Variants in METAP1D observed in about 807,000 individuals in gnomAD.
The protein encoded by METAP1D is methionine aminopeptidase 1D, mitochondrial.
Under a neutral mutation model 40.5 loss-of-function variants are expected in METAP1D, and 31 were observed. The observed-to-expected ratio is 0.77, with a 90% confidence interval of 0.58 to 1.03. The LOEUF is 1.03. METAP1D is among the 50% of genes least tolerant of loss of function. The pLI, the probability that METAP1D is intolerant of heterozygous loss-of-function variation, is 0.00. For synonymous variants in METAP1D, 151 were observed against 146.4 expected (o/e 1.03, Z -0.22); for missense variants, 411 against 420.7 (o/e 0.98, Z 0.20).
At position 172,081,872 on chromosome 2, in the gene METAP1D, G is replaced by A. The variant is rs1487872606; in HGVS notation, c.*1466G>A. 6.6e-6 allele frequency: 1 copy of A among 152,218 alleles called. No individual in the cohort carries two copies. The highest frequency in any genetic ancestry group is 1.5e-5 in the Non-Finnish European group (1 of 68,064). 9.4% of individuals were successfully genotyped at this position (152,218 alleles called of 1,614,324 possible). A position where few individuals can be genotyped will look rare whatever the true frequency, so the allele number is the denominator to read the frequency against. On this transcript the variant is annotated 3_prime_UTR_variant, in exon 10 of 10. Coordinates refer to ENST00000315796, the MANE Select transcript of METAP1D (RefSeq NM_199227.3). ...TCATCTTTGTAACATTCATAATACG[G>A]GAAACTGAGGACCAGGTGGCTCGGA...
intron 1 of METAP1D, among the ~76,000 whole-genome samples, chr2:172,041,936 G>A (rs1484180354): frequency 8.4e-6 from 1 of 119,298 alleles, no homozygotes; most frequent in Non-Finnish European, 1.9e-5. Context: ...CAGTAGCTGG[G>A]ATTACAGGTG....
intron 1 of METAP1D, among the ~76,000 whole-genome samples, chr2:172,006,749 C>T (rs1688596371): frequency 6.6e-6 from 1 of 152,108 alleles, no homozygotes; most frequent in Non-Finnish European, 1.5e-5. Context: ...CCCACGTAGC[C>T]ATCATCTAGT....
intron 1 of METAP1D, among the ~76,000 whole-genome samples, chr2:172,057,228 T>G (rs189931594): frequency 1.3e-5 from 2 of 152,356 alleles, no homozygotes; most frequent in African/African-American, 4.8e-5. Flanking sequence ...AGGTAATGTA[T>G]GTAGAGCACC....
At chr2:172,050,098 A>G (rs561306961) in intron 1 of METAP1D, among the ~76,000 whole-genome samples, 6 of 152,204 alleles carry the variant, frequency 3.9e-5, no homozygotes, top group South Asian at 4.1e-4. Context: ...TTTCATCCCA[A>G]TGGTTTGCTT....
intron 1 of METAP1D, among the ~76,000 whole-genome samples, chr2:172,043,111 A>ATTT (rs1400937542): frequency 9.0e-4 from 20 of 22,208 alleles, no homozygotes; most frequent in African/African-American, 4.1e-3. Flanking sequence ...ATATATATAT[A>ATTT]TATATATTTT....
Position 172,061,646 on chromosome 2 carries a change from G to T in METAP1D, c.189G>T (p.Pro63=), listed in dbSNP as rs765352615. The T allele has an allele frequency of 6.2e-7, 1 of 1,611,144 alleles. No homozygotes were observed. Among genetic ancestry groups the T allele is most frequent in the South Asian group, 1.1e-5 (1 of 90,376 alleles). Residue 63 remains proline (P), a synonymous_variant, in exon 2 of 10, where the codon CCG becomes CCT. Transcript: ENST00000315796. ...CGGCTGCAGTTTCTTCAGCTCATCC[G>T]GTTCCTAAGGTACTGTATTGCCTAT... is the stretch of plus-strand genomic sequence containing the variant. ...VLPAAVSSAH[P]VPKHIKKPDY...
At chr2:172,033,342 T>TA (rs1431338242) in intron 1 of METAP1D, among the ~76,000 whole-genome samples, 2 of 151,916 alleles carry the variant, frequency 1.3e-5, no homozygotes, top group African/African-American at 4.8e-5. Context: ...CCTATTTTAA[T>TA]AATACATTTG....
intron 5 of METAP1D, among the ~76,000 whole-genome samples, chr2:172,067,026 C>T (rs1690300943): frequency 6.6e-6 from 1 of 152,114 alleles, no homozygotes; most frequent in Non-Finnish European, 1.5e-5. Context: ...CAAGATGTAG[C>T]TTTTTCTCAT....
chr2:172,071,608 T>C (rs1193498042), intron 6 of METAP1D, among the ~76,000 whole-genome samples: 1 of 152,180 alleles, frequency 6.6e-6, no homozygotes, highest in Non-Finnish European at 1.5e-5. Context: ...CTGTAAACCG[T>C]TGTTTATTTT....
chr2:172,063,970 A>T, intron 3 of METAP1D, 110 bp downstream of exon 3: 1 of 1,265,258 alleles, frequency 7.9e-7, no homozygotes, highest in Non-Finnish European at 1.0e-6. Context: ...TTGTTTTAAA[A>T]ATTTATTTGT....
chr2:172,000,112 A>G, intron 1 of METAP1D, 103 bp downstream of exon 1: 1 of 998,852 alleles, frequency 1.0e-6, no homozygotes, highest in Non-Finnish European at 1.3e-6. Flanking sequence ...TTCTCGGCGC[A>G]CACGACTGTA....
intron 1 of METAP1D, among the ~76,000 whole-genome samples, chr2:172,027,673 G>A (rs1224690868): frequency 6.6e-6 from 1 of 152,170 alleles, no homozygotes; most frequent in Non-Finnish European, 1.5e-5. Context: ...ATTCCCTTCT[G>A]ACTTAACATT....
intron 1 of METAP1D, among the ~76,000 whole-genome samples, chr2:172,014,494 G>C (rs1350103644): frequency 6.6e-6 from 1 of 152,184 alleles, no homozygotes; most frequent in Non-Finnish European, 1.5e-5. Flanking sequence ...TTGTCCCAAA[G>C]GTGTAGTCAT....
chr2:172,036,988 G>T (rs555468943), intron 1 of METAP1D, among the ~76,000 whole-genome samples: 2 of 152,252 alleles, frequency 1.3e-5, no homozygotes, highest in African/African-American at 4.8e-5. Context: ...GGCTGCGGGC[G>T]GTGGCTCACG....
chr2:172,042,169 A>G lies in METAP1D; in HGVS notation c.41-19329A>G, dbSNP rs1213051775. On this transcript the variant is annotated intron_variant, in intron 1 of 9. Coordinates refer to ENST00000315796, the MANE Select transcript of METAP1D (RefSeq NM_199227.3). ...CATATGTATGTGTACATGTGTACACATATACATATGTATGTGTACATGTGT... is the reference window on the plus strand; with the variant it reads ...CATATGTATGTGTACATGTGTACACGTATACATATGTATGTGTACATGTGT... Among the ~76,000 whole-genome samples the G allele has an allele frequency of 1.3e-4, 13 of 96,688 alleles. 3 individuals are homozygous for G. The highest frequency in any genetic ancestry group is 4.4e-4 in the African/African-American group (13 of 29,562). 63.4% of individuals were successfully genotyped at this position (96,688 alleles called of 152,430 possible). A position where few individuals can be genotyped will look rare whatever the true frequency, so the allele number is the denominator to read the frequency against.
chr2:172,030,718 G>C (rs569609309), intron 1 of METAP1D, among the ~76,000 whole-genome samples: 1 of 152,276 alleles, frequency 6.6e-6, no homozygotes, highest in East Asian at 1.9e-4. Context: ...GAAATATACT[G>C]TTTCTTAAGA....
chr2:172,054,520 CAAAATAAA>C (rs1689959944), intron 1 of METAP1D, among the ~76,000 whole-genome samples: 3 of 80,958 alleles, frequency 3.7e-5, no homozygotes, highest in African/African-American at 1.1e-4. Context: ...GACTCTGTCT[CAAAATAAA>C]TAAATAAATA....
intron 1 of METAP1D, among the ~76,000 whole-genome samples, chr2:172,000,483 G>A (rs1162510080): frequency 6.6e-6 from 1 of 152,154 alleles, no homozygotes; most frequent in East Asian, 1.9e-4. Context: ...GATAAGAAAG[G>A]ATGTCTGGGT....
At chr2:172,045,824 T>TAG (rs1324054074) in intron 1 of METAP1D, among the ~76,000 whole-genome samples, 1 of 45,918 alleles carries the variant, frequency 2.2e-5, no homozygotes, top group Non-Finnish European at 4.5e-5. Context: ...TGTGTGTATA[T>TAG]ATATATATAT....
Sources: allele counts gnomAD v4.1 joint callset (sites outside exome capture counted in the v4.1 genomes callset), GRCh38; gene constraint gnomAD v4.1.1; transcripts MANE v1.5; gene names NCBI Gene and HGNC (gene_info 2026-07-23, HGNC 2026-07-21).